Variants in ELOVL4 observed in about 807,000 individuals in gnomAD.
ELOVL4 encodes the protein very long chain fatty acid elongase 4.
Under a neutral mutation model 42.1 loss-of-function variants are expected in ELOVL4, and 18 were observed. The observed-to-expected ratio is 0.43, with a 90% confidence interval of 0.30 to 0.63. ELOVL4 has a LOEUF of 0.63. Among genes scored for constraint, ELOVL4 ranks in the 30% least tolerant of loss-of-function variants. The pLI, the probability that ELOVL4 is intolerant of heterozygous loss-of-function variation, is 0.15. For synonymous variants in ELOVL4, 117 were observed against 127.0 expected, an observed-to-expected ratio of 0.92 and a Z score of 0.53; for missense variants, 299 against 376.2, an observed-to-expected ratio of 0.79 and a Z score of 1.70.
chr6:79,927,787 T>A (rs1425686277), intron 1 of ELOVL4, among the ~76,000 whole-genome samples: 2 of 152,098 alleles, frequency 1.3e-5, no homozygotes, highest in Non-Finnish European at 2.9e-5. Context: ...TTTCATAGTT[T>A]TAAAAGGAGG....
At chr6:79,936,766 A>G (rs1335681727) in intron 1 of ELOVL4, among the ~76,000 whole-genome samples, 2 of 152,198 alleles carry the variant, frequency 1.3e-5, no homozygotes, top group African/African-American at 4.8e-5. Context: ...GAGGTGAAAA[A>G]GGCAGAACTA....
intron 4 of ELOVL4, 40 bp downstream of exon 4, chr6:79,921,585 T>C (rs1358498178): frequency 6.3e-7 from 1 of 1,590,928 alleles, no homozygotes; most frequent in Non-Finnish European, 8.6e-7. Flanking sequence ...AACACATATA[T>C]GCAATTAAAC....
chr6:79,926,387 G>A lies in ELOVL4; in HGVS notation c.101-6C>T, dbSNP rs1774344408. 1 of 1,612,738 alleles carries A rather than the reference G, an allele frequency of 6.2e-7. No individual in the cohort carries two copies. The highest frequency in any genetic ancestry group is 8.5e-7 in the Non-Finnish European group (1 of 1,179,088). ...CCAATTTTCCACACGCTTATCTATA[G>A]AGAGAACAAAATACCATAAAATTCA... is the stretch of plus-strand genomic sequence containing the variant. On this transcript the variant is annotated splice_region_variant and splice_polypyrimidine_tract_variant and intron_variant, in intron 1 of 5. Coordinates refer to ENST00000369816, the MANE Select transcript of ELOVL4 (RefSeq NM_022726.4).
At chr6:79,924,079 A>G (rs1252563817) in intron 3 of ELOVL4, among the ~76,000 whole-genome samples, 1 of 152,224 alleles carries the variant, frequency 6.6e-6, no homozygotes, top group African/African-American at 2.4e-5. Flanking sequence ...AATACGTAAT[A>G]GAATAAGGTA....
At chr6:79,924,376 T>G (rs1774309725) in intron 3 of ELOVL4, among the ~76,000 whole-genome samples, 1 of 152,216 alleles carries the variant, frequency 6.6e-6, no homozygotes, top group African/African-American at 2.4e-5. Context: ...ACATGAGACT[T>G]CTTTGCTTTA....
intron 1 of ELOVL4, among the ~76,000 whole-genome samples, chr6:79,930,368 T>G (rs917221207): frequency 6.6e-6 from 1 of 152,176 alleles, no homozygotes; most frequent in African/African-American, 2.4e-5. Flanking sequence ...AGGATTATCA[T>G]GGAAGCTACA....
rs2127697506 is a variant in ELOVL4, at chr6:79,916,326, G to C, written c.*282C>G. ...GAAAAATCTCATCCTTTAGACAACT[G>C]GATGTGAACAGGGGGAGAATCCCCA... On this transcript the variant is annotated 3_prime_UTR_variant, in exon 6 of 6. Transcript: ENST00000369816. 2.4e-6 allele frequency: 1 copy of C among 408,832 alleles called. No individual in the cohort carries two copies. The allele number at this position is 408,832 out of a possible 1,614,324, so 25.3% of individuals were successfully genotyped here.
chr6:79,917,590 C>A (rs919032527), intron 5 of ELOVL4, among the ~76,000 whole-genome samples: 2 of 152,124 alleles, frequency 1.3e-5, no homozygotes, highest in Non-Finnish European at 2.9e-5. Context: ...GAGGCCGAGG[C>A]GGGTGGATCA....
rs1255935376 is a variant in ELOVL4, at chr6:79,944,116, G to C, written c.100+3064C>G. Among the ~76,000 whole-genome samples, 7 of 152,068 alleles carry C rather than the reference G, an allele frequency of 4.6e-5. No homozygotes were observed. The East Asian group carries it at 1.2e-3, about 25-fold the overall frequency. On this transcript the variant is annotated intron_variant, in intron 1 of 5. Coordinates refer to ENST00000369816, the MANE Select transcript of ELOVL4 (RefSeq NM_022726.4). ...TAGGGTGTTTATATGCTAAATGTCA[G>C]GTATGCAAAAAAGCTATTAAACATT...
chr6:79,928,952 C>T (rs346364), intron 1 of ELOVL4, among the ~76,000 whole-genome samples: 9,338 of 151,762 alleles, frequency 0.062, 915 homozygotes, highest in African/African-American at 0.21. Flanking sequence ...TCTCATTCAA[C>T]AGAGAATTTC....
intron 5 of ELOVL4, 150 bp downstream of exon 5, chr6:79,919,270 G>C: frequency 2.4e-6 from 2 of 816,686 alleles, no homozygotes; most frequent in South Asian, 1.6e-5. Flanking sequence ...AGGTCATCTA[G>C]AGTCAAGTGG....
intron 1 of ELOVL4, among the ~76,000 whole-genome samples, chr6:79,931,501 T>C (rs1259109524): frequency 6.6e-6 from 1 of 152,132 alleles, no homozygotes; most frequent in Non-Finnish European, 1.5e-5. Flanking sequence ...TAGATACAAA[T>C]GCTATATTTT....
intron 1 of ELOVL4, among the ~76,000 whole-genome samples, chr6:79,935,796 ACTT>A (rs1009656075): frequency 3.3e-5 from 5 of 152,284 alleles, no homozygotes; most frequent in Admixed American, 1.3e-4. Flanking sequence ...CATGTTTAAA[ACTT>A]CTTCTTTTTC....
intron 3 of ELOVL4, among the ~76,000 whole-genome samples, chr6:79,922,100 T>C (rs1774269102): frequency 6.6e-6 from 1 of 152,236 alleles, no homozygotes; most frequent in African/African-American, 2.4e-5. Context: ...ACATTCAGAC[T>C]GCTGTGCTTT....
intron 1 of ELOVL4, among the ~76,000 whole-genome samples, chr6:79,942,326 T>C (rs540581863): frequency 1.3e-3 from 197 of 152,124 alleles, no homozygotes; most frequent in Non-Finnish European, 2.4e-3. Context: ...TATATTCTAA[T>C]AGAAAATAAA....
At chr6:79,921,386 G>A (rs113281491) in intron 4 of ELOVL4, among the ~76,000 whole-genome samples, 2 of 146,308 alleles carry the variant, frequency 1.4e-5, no homozygotes, top group Admixed American at 1.4e-4. Context: ...GCTGGAACCC[G>A]GGAGGTGGAG....
At chr6:79,925,840 G>A (rs1411315065) in intron 2 of ELOVL4, among the ~76,000 whole-genome samples, 4 of 152,146 alleles carry the variant, frequency 2.6e-5, no homozygotes, top group East Asian at 1.9e-4. Flanking sequence ...TGCTTAATAC[G>A]TGCCAAACAC....
chr6:79,934,104 C>G (rs1582052734), intron 1 of ELOVL4, among the ~76,000 whole-genome samples: 1 of 152,174 alleles, frequency 6.6e-6, no homozygotes, highest in Admixed American at 6.5e-5. Context: ...CCAGTAGCCT[C>G]TGGAGCTGCA....
At position 79,947,408 on chromosome 6, in the gene ELOVL4, C is replaced by T. The variant is rs1468927119; in HGVS notation, c.-129G>A. On this transcript the variant is annotated 5_prime_UTR_variant, in exon 1 of 6. Transcript: ENST00000369816. ...CCCTCTAACGGCGGCGGCCCGGCTG[C>T]GTCTTCTCCTGCTCCTCAAGGCGCC... 80 of 727,296 alleles carry T rather than the reference C, an allele frequency of 1.1e-4. No individual in the cohort carries two copies. The highest frequency in any genetic ancestry group is 4.2e-4 in the South Asian group (28 of 66,584). The allele number at this position is 727,296 out of a possible 1,614,324, so 45.1% of individuals were successfully genotyped here. A position where few individuals can be genotyped will look rare whatever the true frequency, so the allele number is the denominator to read the frequency against.
Sources: gnomAD v4.1 joint callset for allele counts (sites outside exome capture counted in the v4.1 genomes callset) on GRCh38, gnomAD v4.1.1 for gene constraint, MANE v1.5 for transcripts, NCBI Gene and HGNC (gene_info 2026-07-23, HGNC 2026-07-21) for gene names.